The following PER2 variants were observed in gnomAD, a reference collection of about 807,000 sequenced individuals.
PER2 encodes the protein period circadian protein homolog 2.
A neutral mutation model predicts 121.0 loss-of-function variants in PER2; 66 were observed. The observed-to-expected ratio is 0.55, with a 90% CI of 0.45 to 0.67. The LOEUF (loss-of-function observed/expected upper bound fraction) is 0.67. PER2 is among the 30% of genes least tolerant of loss of function. The pLI, the probability that PER2 is intolerant of heterozygous loss-of-function variation, is 0.00. For synonymous variants in PER2, 684 were observed against 659.9 expected, an observed-to-expected ratio of 1.04 and a Z score of -0.56; for missense variants, 1,521 against 1,635.0, an observed-to-expected ratio of 0.93 and a Z score of 1.20.
Position 238,271,456 on chromosome 2 carries a change from G to C in PER2, c.628C>G (p.Gln210Glu). 1 of 1,613,924 alleles carries C rather than the reference G, an allele frequency of 6.2e-7. No individual in the cohort carries two copies. The highest frequency in any genetic ancestry group is 8.5e-7 in the Non-Finnish European group (1 of 1,179,806). ...VSGKILYISD[Q>E]VASIFHCKRD... Reference sequence around the variant, plus strand: ...TTACAGTGAAATATGGATGCAACCTGGTCAGAGATGTACAGGATCTTCCCA... The same window carrying C: ...TTACAGTGAAATATGGATGCAACCTCGTCAGAGATGTACAGGATCTTCCCA... Residue 210 changes from glutamine (Q) to glutamate (E), a missense_variant, in exon 6 of 23, where the codon CAG becomes GAG. Physicochemically the swap from Gln to Glu is conservative, Grantham distance 29. Coordinates refer to ENST00000254657, the MANE Select transcript of PER2 (RefSeq NM_022817.3).
At position 238,258,657 on chromosome 2, in the gene PER2, C is replaced by A. The variant is rs1364221158; in HGVS notation, c.1628-13G>T. On this transcript the variant is annotated splice_polypyrimidine_tract_variant and intron_variant, in intron 14 of 22. Coordinates refer to ENST00000254657, the MANE Select transcript of PER2 (RefSeq NM_022817.3). The stretch of plus-strand genomic sequence containing the variant: ...TTAGTTTGCATTTCTGAAGGAATGG[C>A]AAAATTGTTCTTTCATTCATTTTTC... The A allele has an allele frequency of 6.2e-7, 1 of 1,613,124 alleles. No individual in the cohort carries two copies. Among genetic ancestry groups the A allele is most frequent in the Non-Finnish European group, 8.5e-7 (1 of 1,179,520 alleles).
intron 9 of PER2, among the ~76,000 whole-genome samples, chr2:238,264,940 G>A (rs752597538): frequency 2.0e-5 from 3 of 152,162 alleles, no homozygotes; most frequent in Non-Finnish European, 4.4e-5. Context: ...GCACCTAGCC[G>A]GCCCAAGTGT....
Position 238,268,122 on chromosome 2 carries a change from G to T in PER2, c.901C>A (p.Gln301Lys), listed in dbSNP as rs768066389. The T allele has an allele frequency of 6.8e-6, 11 of 1,614,010 alleles. No homozygotes were observed. The African/African-American group carries it at 1.2e-4, about 18-fold the overall frequency. Residue 301 changes from glutamine (Q) to lysine (K), a missense_variant, in exon 8 of 23, where the codon CAA becomes AAA. Transcript: ENST00000254657. The surrounding 1 kb of genome is among the most constrained non-coding windows in gnomAD (Gnocchi z 4.0). ...MTPYLVKVRD[Q>K]QGAESQLCCL... ...CAAAGCTGACTCTCAGCACCTTGTT[G>T]GTCCCGCACCTTGACCAGGTAGGGC...
chr2:238,285,677 CCAG>C (rs1387906616), intron 1 of PER2, among the ~76,000 whole-genome samples: 1 of 152,122 alleles, frequency 6.6e-6, no homozygotes, highest in African/African-American at 2.4e-5. Context: ...TCACATGTCA[CCAG>C]AGGCAGGACA....
intron 16 of PER2, among the ~76,000 whole-genome samples, chr2:238,258,070 G>A (rs757148930): frequency 2.0e-5 from 3 of 152,242 alleles, no homozygotes; most frequent in Non-Finnish European, 4.4e-5. Context: ...TAGCCCCACT[G>A]GCTTCCTGTT....
In PER2 at chr2:238,273,086, T is replaced by C. The variant is rs1279063037; in HGVS notation, c.554A>G (p.His185Arg). 5.6e-6 allele frequency: 9 copies of C among 1,614,014 alleles called. No homozygotes were observed. The highest frequency in any genetic ancestry group is 1.3e-5 in the African/African-American group (1 of 74,938). The stretch of plus-strand genomic sequence containing the variant: ...GAGGCTTACGGCATTCTTCACAATG[T>C]GCTCAGAGGTAACGCTCTCCATCTC... ...VEEMESVTSEHIVKNADMFAV... is the reference protein window; with the variant it reads ...VEEMESVTSERIVKNADMFAV... The change falls in exon 5 of 23, where the codon CAC (histidine) becomes CGC (arginine). Residue 185 changes from histidine (H) to arginine (R), a missense_variant. Physicochemically the swap from His to Arg is conservative, Grantham distance 29. Transcript: ENST00000254657.
intron 18 of PER2, chr2:238,254,753 A>T (rs1307062897): frequency 6.6e-6 from 1 of 152,194 alleles, no homozygotes; most frequent in Non-Finnish European, 1.5e-5. Context: ...CATGGAGTAC[A>T]CCTTTTTCTA....
At chr2:238,294,112 G>A (rs867960165), upstream of PER2, among the ~76,000 whole-genome samples, 3 of 152,286 alleles carry the variant, frequency 2.0e-5, no homozygotes, top group South Asian at 2.1e-4. Context: ...CTCCACGTCC[G>A]AGGCATCTCT....
At chr2:238,283,993 G>A (rs1696705954) in intron 1 of PER2, among the ~76,000 whole-genome samples, 1 of 152,152 alleles carries the variant, frequency 6.6e-6, no homozygotes, top group Non-Finnish European at 1.5e-5. Context: ...TGTGATCTCG[G>A]ACAAGTTCCT....
chr2:238,282,015 C>T (rs1053868884), intron 1 of PER2, among the ~76,000 whole-genome samples: 1 of 152,168 alleles, frequency 6.6e-6, no homozygotes, highest in East Asian at 1.9e-4. Context: ...CTCCACCTGG[C>T]CCTGCTATGG....
At chr2:238,277,679 C>A (rs769845481) in intron 2 of PER2, 28 bp downstream of exon 2, 5 of 1,613,128 alleles carry the variant, frequency 3.1e-6, no homozygotes, top group Non-Finnish European at 3.4e-6. Context: ...ACCTGCCCAG[C>A]CTCCATCTGG....
At chr2:238,281,050 C>A (rs554015621) in intron 1 of PER2, among the ~76,000 whole-genome samples, 5 of 150,358 alleles carry the variant, frequency 3.3e-5, no homozygotes, top group East Asian at 3.9e-4. Flanking sequence ...TGTCACCAGG[C>A]TGGAGTGCAG....
Position 238,255,337 on chromosome 2 carries a change from C to G in PER2, c.2320+320G>C, listed in dbSNP as rs1695727171. 3 of 446,078 alleles carry G rather than the reference C, an allele frequency of 6.7e-6. No individual in the cohort carries two copies. In the East Asian group the frequency reaches 1.4e-4, roughly 21 times the overall value. 27.6% of individuals were successfully genotyped at this position (446,078 alleles called of 1,614,324 possible). On this transcript the variant is annotated intron_variant, in intron 18 of 22. Coordinates refer to ENST00000254657, the MANE Select transcript of PER2 (RefSeq NM_022817.3). ...TGAATTCGCTGATTCTCTGGAGGTCCCGTCCAGGTGGGGCCCCTGCCCACA... is the reference window on the plus strand; with the variant it reads ...TGAATTCGCTGATTCTCTGGAGGTCGCGTCCAGGTGGGGCCCCTGCCCACA...
Position 238,249,111 on chromosome 2 carries a change from A to G in PER2, c.3569T>C (p.Val1190Ala), listed in dbSNP as rs1194181086. The change falls in exon 22 of 23, where the codon GTC (valine) becomes GCC (alanine). Residue 1190 changes from valine (V) to alanine (A), a missense_variant. Transcript: ENST00000254657. ...GCCGCCCGTCTGCATCCACTGGTGG[A>G]CCTCGCGCAGCTCCTGCTTCTGACT... ...TESQKQELRE[V>A]HQWMQTGGLP... is the part of the protein sequence containing the mutation. 6.2e-7 allele frequency: 1 copy of G among 1,614,122 alleles called. No individual in the cohort carries two copies. Among genetic ancestry groups the G allele is most frequent in the South Asian group, 1.1e-5 (1 of 91,090 alleles).
At chr2:238,283,559 G>A (rs1336941251) in intron 1 of PER2, among the ~76,000 whole-genome samples, 1 of 152,234 alleles carries the variant, frequency 6.6e-6, no homozygotes, top group African/African-American at 2.4e-5. Flanking sequence ...GAAGGTGCAC[G>A]AGGCTGGAGC....
At chr2:238,277,509 T>C (rs1452741134) in intron 2 of PER2, among the ~76,000 whole-genome samples, 198 bp downstream of exon 2, 1 of 152,222 alleles carries the variant, frequency 6.6e-6, no homozygotes, top group African/African-American at 2.4e-5. Flanking sequence ...TACCTGTCTG[T>C]TGGCAACTGG....
chr2:238,274,364 A>T (rs1696387801), intron 4 of PER2, among the ~76,000 whole-genome samples: 1 of 152,226 alleles, frequency 6.6e-6, no homozygotes, highest in East Asian at 1.9e-4. Context: ...CTGACCCAGG[A>T]TTCTGCCACG....
chr2:238,283,506 C>T (rs1198600174), intron 1 of PER2, among the ~76,000 whole-genome samples: 1 of 152,236 alleles, frequency 6.6e-6, no homozygotes, highest in Non-Finnish European at 1.5e-5. Context: ...GGGGACAGCA[C>T]ACACAAAGGC....
At chr2:238,293,764 A>G (rs1559341782), upstream of PER2, among the ~76,000 whole-genome samples, 1 of 151,836 alleles carries the variant, frequency 6.6e-6, no homozygotes, top group African/African-American at 2.4e-5. Context: ...AAAAAGAAAA[A>G]AAAGAAAGAA....
Sources: gnomAD v4.1 joint callset for allele counts (sites outside exome capture counted in the v4.1 genomes callset) on GRCh38, gnomAD v4.1.1 for gene constraint, Gnocchi (gnomAD v3.1) non-coding constraint, MANE v1.5 for transcripts, NCBI Gene and HGNC (gene_info 2026-07-23, HGNC 2026-07-21) for gene names.